Variants in SLC4A5 observed in about 807,000 individuals in gnomAD.
SLC4A5 encodes electrogenic sodium bicarbonate cotransporter 4.
SLC4A5 carries 96 observed loss-of-function variants against 120.4 expected under a neutral mutation model. The ratio of observed to expected loss-of-function variants is 0.80; its 90% CI spans 0.68 to 0.94. The LOEUF (loss-of-function observed/expected upper bound fraction) is 0.94, where lower values mean the gene tolerates loss of function less well. Ranked by LOEUF, SLC4A5 falls within the 40% of genes least tolerant of loss-of-function variation. SLC4A5 has a pLI of 0.00. For synonymous variants in SLC4A5, 550 were observed against 571.1 expected (o/e 0.96, Z 0.53); for missense variants, 1,259 against 1,459.5 (o/e 0.86, Z 2.24).
At chr2:74,265,513 A>G (rs904559162) in intron 8 of SLC4A5, among the ~76,000 whole-genome samples, 4 of 152,244 alleles carry the variant, frequency 2.6e-5, no homozygotes, top group African/African-American at 9.6e-5. Context: ...TCTGGGAGTG[A>G]TGGAAATGTT....
At chr2:74,323,031 G>A (rs915282554) in intron 5 of SLC4A5, among the ~76,000 whole-genome samples, 1 of 152,136 alleles carries the variant, frequency 6.6e-6, no homozygotes, top group Non-Finnish European at 1.5e-5. Flanking sequence ...CTGAGGTCAG[G>A]AGTTCAAGAC....
At chr2:74,221,528 T>A (rs7587117) in intron 29 of SLC4A5, 27 bp from the exon 30 acceptor site, 2 of 1,612,008 alleles carry the variant, frequency 1.2e-6, no homozygotes, top group South Asian at 1.1e-5. Context: ...AAATGTCAGA[T>A]GTGGAGCAGG....
chr2:74,310,664 G>T (rs901551795), intron 6 of SLC4A5, among the ~76,000 whole-genome samples: 5 of 152,076 alleles, frequency 3.3e-5, no homozygotes, highest in African/African-American at 9.7e-5. Context: ...TTGGGTCATG[G>T]TGTATAATTA....
chr2:74,266,431 G>C (rs187051921), intron 8 of SLC4A5, among the ~76,000 whole-genome samples: 8 of 152,180 alleles, frequency 5.3e-5, no homozygotes, highest in African/African-American at 1.4e-4. Flanking sequence ...ATCACGCTTG[G>C]CTAATTTTTG....
rs1261198389 is a variant in SLC4A5 at position 74,255,130 on chromosome 2, C to A, written c.1026-424G>T. Among the ~76,000 whole-genome samples, 1 of 151,940 alleles carries A rather than the reference C, an allele frequency of 6.6e-6. No individual in the cohort carries two copies. Among genetic ancestry groups the A allele is most frequent in the South Asian group, 2.1e-4 (1 of 4,810 alleles). On this transcript the variant is annotated intron_variant, in intron 13 of 30. Transcript: ENST00000394019. The surrounding 1 kb of genome is among the most constrained non-coding windows in gnomAD (Gnocchi z 4.0). ...GCCACTGCGCTGGGCCCATTCTTAACTTTTTTACTTCCCTCCATGGAACCC... is the reference window on the plus strand; with the variant it reads ...GCCACTGCGCTGGGCCCATTCTTAAATTTTTTACTTCCCTCCATGGAACCC...
Position 74,284,343 on chromosome 2 carries a change from AT to A in SLC4A5, c.401+1429del, listed in dbSNP as rs554797362. 1.1e-4 allele frequency among the ~76,000 whole-genome samples: 12 copies of A among 109,062 alleles called. 4 individuals carry two copies. In the East Asian group the frequency reaches 4.9e-3, roughly 44 times the overall value. The allele number at this position is 109,062 out of a possible 152,430, so 71.5% of individuals were successfully genotyped here. A position where few individuals can be genotyped will look rare whatever the true frequency, so the allele number is the denominator to read the frequency against. On this transcript the variant is annotated intron_variant, in intron 8 of 30. Coordinates refer to ENST00000394019, the Ensembl canonical transcript of SLC4A5. ...AGGCGCCCGCCACCGCGCCCGGCTA[AT>A]TTTTTTTTTGTATTTTTAGTAGAGA... is the stretch of plus-strand genomic sequence containing the variant.
chr2:74,263,659 T>C (rs771231343), intron 10 of SLC4A5, among the ~76,000 whole-genome samples: 2 of 152,202 alleles, frequency 1.3e-5, no homozygotes, highest in Non-Finnish European at 2.9e-5. Context: ...CAGCCCCTTC[T>C]ACCACCCTGA....
intron 11 of SLC4A5, among the ~76,000 whole-genome samples, chr2:74,261,841 T>C (rs957453275): frequency 1.3e-5 from 2 of 152,202 alleles, no homozygotes; most frequent in Admixed American, 1.3e-4. Flanking sequence ...GTCAGTTTGA[T>C]GAAGATGAAG....
At chr2:74,254,224 T>C (rs1670885728) in intron 14 of SLC4A5, among the ~76,000 whole-genome samples, 1 of 152,162 alleles carries the variant, frequency 6.6e-6, no homozygotes, top group Non-Finnish European at 1.5e-5. Context: ...TTGAAGCTCT[T>C]ACACTGAGCC....
chr2:74,283,612 C>T (rs1015905072), intron 8 of SLC4A5, among the ~76,000 whole-genome samples: 5 of 152,096 alleles, frequency 3.3e-5, no homozygotes, highest in Admixed American at 1.3e-4. Flanking sequence ...GGGAGATGAG[C>T]GAGGGAAGAG....
chr2:74,283,709 T>C (rs904293757), intron 8 of SLC4A5, among the ~76,000 whole-genome samples: 7 of 152,212 alleles, frequency 4.6e-5, no homozygotes, highest in Admixed American at 1.3e-4. Flanking sequence ...GTTGAGTCTA[T>C]GCACTCTCAA....
chr2:74,335,895 T>C (rs1558919807), intron 3 of SLC4A5, among the ~76,000 whole-genome samples: 2 of 152,056 alleles, frequency 1.3e-5, no homozygotes, highest in Admixed American at 1.3e-4. Context: ...CATTTATATA[T>C]ATTTTAAATA....
intron 14 of SLC4A5, among the ~76,000 whole-genome samples, chr2:74,254,062 C>A (rs1018150213): frequency 6.6e-6 from 1 of 152,120 alleles, no homozygotes; most frequent in African/African-American, 2.4e-5. Flanking sequence ...AGCCTGCAGC[C>A]GCAAGCACCG....
chr2:74,273,489 G>A (rs1278266130), intron 8 of SLC4A5, among the ~76,000 whole-genome samples: 1 of 152,014 alleles, frequency 6.6e-6, no homozygotes, highest in Non-Finnish European at 1.5e-5. Flanking sequence ...TATCTATGTG[G>A]CCTCACCAAC....
chr2:74,328,751 G>A (rs1673278627), intron 4 of SLC4A5, among the ~76,000 whole-genome samples: 2 of 152,126 alleles, frequency 1.3e-5, no homozygotes, highest in African/African-American at 4.8e-5. Flanking sequence ...AGAGCTTTGA[G>A]GACTGCTGAG....
rs1172320959 is a variant in SLC4A5, at chr2:74,262,382, T to A, written c.716-150A>T. ...GAAATTCTTTTTTTTTTTTTTTTTTTAATTTAAGCAAGTCAATAGTCTGAA... is the reference window on the plus strand; with the variant it reads ...GAAATTCTTTTTTTTTTTTTTTTTTAAATTTAAGCAAGTCAATAGTCTGAA... On this transcript the variant is annotated intron_variant, in intron 10 of 30. Transcript: ENST00000394019. 1.4e-4 allele frequency: 73 copies of A among 521,024 alleles called. No homozygotes were observed. The East Asian group carries it at 1.7e-3, about 12-fold the overall frequency. The allele number at this position is 521,024 out of a possible 1,614,324, so 32.3% of individuals were successfully genotyped here. A position where few individuals can be genotyped will look rare whatever the true frequency, so the allele number is the denominator to read the frequency against.
At chr2:74,247,098 T>C (rs1670636458) in exon 19 of SLC4A5, 6 of 1,614,166 alleles carry the variant, frequency 3.7e-6, no homozygotes, top group South Asian at 3.3e-5. Flanking sequence ...GAAGTCCATA[T>C]TGATAGGGTA....
intron 7 of SLC4A5, among the ~76,000 whole-genome samples, chr2:74,301,666 A>G (rs1478160216): frequency 2.0e-5 from 3 of 152,362 alleles, no homozygotes; most frequent in East Asian, 3.9e-4. Context: ...TCTGCAGGGC[A>G]TTGGCACTAT....
chr2:74,252,479 A>G (rs555749859), intron 15 of SLC4A5, 91 bp from the exon 16 acceptor site: 88 of 1,468,396 alleles, frequency 6.0e-5, no homozygotes, highest in Non-Finnish European at 7.7e-5. Context: ...AAAGACAGAC[A>G]AAAATGCAGA....
Sources: allele counts gnomAD v4.1 joint callset (sites outside exome capture counted in the v4.1 genomes callset), GRCh38; gene constraint gnomAD v4.1.1; non-coding constraint Gnocchi (gnomAD v3.1); transcripts MANE v1.5; gene names NCBI Gene and HGNC (gene_info 2026-07-23, HGNC 2026-07-21).